SCAPER: variants seen among roughly 807,000 people sequenced by gnomAD.
SCAPER encodes the protein S phase cyclin A-associated protein in the endoplasmic reticulum.
A neutral mutation model predicts 182.2 loss-of-function variants in SCAPER; 98 were observed. That is an observed-to-expected ratio of 0.54 (90% CI 0.46 to 0.64). The LOEUF is 0.64. Among genes scored for constraint, SCAPER ranks in the 30% least tolerant of loss-of-function variants. The probability of loss-of-function intolerance (pLI) is 0.00; values close to 1 mark genes in which losing one functional copy is unlikely to be tolerated. For missense variants in SCAPER, 1,432 were observed against 1,690.0 expected (o/e 0.85, Z 2.68); for synonymous variants, 605 against 564.6 (o/e 1.07, Z -1.01).
intron 25 of SCAPER, among the ~76,000 whole-genome samples, chr15:76,447,802 A>C (rs1187409385): frequency 6.6e-6 from 1 of 152,226 alleles, no homozygotes; most frequent in Non-Finnish European, 1.5e-5. Context: ...CAACAGGTGA[A>C]GAGGAAAAAC....
chr15:76,408,703 G>A (rs539140180), intron 26 of SCAPER, among the ~76,000 whole-genome samples: 12 of 151,554 alleles, frequency 7.9e-5, no homozygotes, highest in Non-Finnish European at 1.8e-4. Flanking sequence ...GGAAGGCAAC[G>A]CACAAGCTCA....
chr15:76,892,038 T>C (rs137924151), intron 1 of SCAPER, among the ~76,000 whole-genome samples: 23,831 of 152,114 alleles, frequency 0.16, 2,295 homozygotes, highest in Middle Eastern at 0.23. Context: ...TCTACAACCA[T>C]CTGATCTTTG....
intron 1 of SCAPER, among the ~76,000 whole-genome samples, chr15:76,894,939 C>A (rs1185655574): frequency 6.6e-6 from 1 of 152,060 alleles, no homozygotes; most frequent in Non-Finnish European, 1.5e-5. Flanking sequence ...GCTTCACTGG[C>A]GAATTCTACC....
At chr15:76,407,613 A>G in intron 26 of SCAPER, among the ~76,000 whole-genome samples, 1 of 152,220 alleles carries the variant, frequency 6.6e-6, no homozygotes, top group Middle Eastern at 3.2e-3. Context: ...AAAAGCAGAA[A>G]AATCAGTAGA....
chr15:76,617,747 C>T (rs2051625493), intron 22 of SCAPER, among the ~76,000 whole-genome samples: 1 of 152,136 alleles, frequency 6.6e-6, no homozygotes, highest in Non-Finnish European at 1.5e-5. Flanking sequence ...ATCACTTCTA[C>T]AGCTTTCAAT....
intron 29 of SCAPER, among the ~76,000 whole-genome samples, chr15:76,360,824 G>C (rs1321159080): frequency 6.6e-6 from 1 of 152,174 alleles, no homozygotes; most frequent in Non-Finnish European, 1.5e-5. Context: ...GATGGGACTA[G>C]ATTCTCAGGA....
rs10524497 is a variant in SCAPER, at chr15:76,370,291, A to ATTTTT, written c.3855+5866_3855+5870dup. Among the ~76,000 whole-genome samples, 217 of 119,422 alleles carry ATTTTT rather than the reference A, an allele frequency of 1.8e-3. 12 individuals carry two copies. The highest frequency in any genetic ancestry group is 6.0e-3 in the African/African-American group (163 of 27,194). The allele number at this position is 119,422 out of a possible 152,430, so 78.3% of individuals were successfully genotyped here. A position where few individuals can be genotyped will look rare whatever the true frequency, so the allele number is the denominator to read the frequency against. On this transcript the variant is annotated intron_variant, in intron 29 of 31. Coordinates refer to ENST00000563290, the MANE Select transcript of SCAPER (RefSeq NM_020843.4). Reference sequence around the variant, plus strand: ...GTATAACATATAATTTACCATTTCAATTTTTTTTTTTTTTTTTTTTTTTTT... The same window carrying ATTTTT: ...GTATAACATATAATTTACCATTTCAATTTTTTTTTTTTTTTTTTTTTTTTTTTTTT...
chr15:76,363,000 C>G (rs2041554883), intron 29 of SCAPER, among the ~76,000 whole-genome samples: 1 of 152,174 alleles, frequency 6.6e-6, no homozygotes, highest in Non-Finnish European at 1.5e-5. Context: ...AGAAGGCCGT[C>G]TGGCAAGTTT....
intron 25 of SCAPER, among the ~76,000 whole-genome samples, chr15:76,460,994 G>T (rs1422919213): frequency 1.3e-5 from 2 of 151,940 alleles, no homozygotes; most frequent in Non-Finnish European, 2.9e-5. Flanking sequence ...ATTCTTTTTT[G>T]CAGTCCAGGA....
At position 76,812,497 on chromosome 15, in the gene SCAPER, A is replaced by AAAAAAAAAAAAAAAAAG. The variant is rs61243906; in HGVS notation, c.394-7865_394-7864insCTTTTTTTTTTTTTTTT. On this transcript the variant is annotated intron_variant, in intron 5 of 31. Coordinates refer to ENST00000563290, the MANE Select transcript of SCAPER (RefSeq NM_020843.4). Reference sequence around the variant, plus strand: ...AGTGAGACTCTGAAAAAAAAAAAAAAAAAGAAAGAAAGAAAGAAAGACAGA... The same window carrying AAAAAAAAAAAAAAAAAG: ...AGTGAGACTCTGAAAAAAAAAAAAAAAAAAAAAAAAAAAAAAGAAAGAAAGAAAGAAAGAAAGACAGA... 4.9e-5 allele frequency among the ~76,000 whole-genome samples: 6 copies of AAAAAAAAAAAAAAAAAG among 122,408 alleles called. 1 individual carries two copies. The highest frequency in any genetic ancestry group is 8.9e-5 in the Admixed American group (1 of 11,280). 80.3% of individuals were successfully genotyped at this position (122,408 alleles called of 152,430 possible). A position where few individuals can be genotyped will look rare whatever the true frequency, so the allele number is the denominator to read the frequency against.
At chr15:76,506,206 T>C (rs976213146) in intron 23 of SCAPER, among the ~76,000 whole-genome samples, 6 of 152,232 alleles carry the variant, frequency 3.9e-5, no homozygotes, top group African/African-American at 1.4e-4. Context: ...CCCAACAGCG[T>C]GAATATAATC....
intron 17 of SCAPER, among the ~76,000 whole-genome samples, chr15:76,718,705 C>T (rs1418945838): frequency 6.6e-6 from 1 of 151,260 alleles, no homozygotes; most frequent in Non-Finnish European, 1.5e-5. Context: ...AAACCTCATA[C>T]AACTCAATAG....
chr15:76,451,474 A>G (rs1484641113), intron 25 of SCAPER, among the ~76,000 whole-genome samples: 2 of 152,242 alleles, frequency 1.3e-5, no homozygotes. Flanking sequence ...TTGTTAAACT[A>G]TATTGTCAAG....
At chr15:76,470,136 T>C (rs1019116735) in intron 25 of SCAPER, among the ~76,000 whole-genome samples, 3 of 152,174 alleles carry the variant, frequency 2.0e-5, no homozygotes, top group African/African-American at 7.2e-5. Context: ...TTGTGATGTA[T>C]CAAAATTCAT....
intron 3 of SCAPER, among the ~76,000 whole-genome samples, chr15:76,859,579 A>G (rs1011127554): frequency 1.3e-5 from 2 of 152,248 alleles, no homozygotes; most frequent in Non-Finnish European, 2.9e-5. Context: ...TTAAAAACTT[A>G]GTCTTTAATT....
intron 26 of SCAPER, among the ~76,000 whole-genome samples, chr15:76,424,221 T>TAA (rs1384520832): frequency 1.3e-5 from 2 of 152,188 alleles, no homozygotes; most frequent in African/African-American, 4.8e-5. Context: ...GGTGGGATGT[T>TAA]AAAGTCTCCC....
intron 5 of SCAPER, among the ~76,000 whole-genome samples, chr15:76,807,658 T>C (rs2066272890): frequency 6.6e-6 from 1 of 150,808 alleles, no homozygotes; most frequent in Non-Finnish European, 1.5e-5. Flanking sequence ...GCATTAGGTA[T>C]ATCTCCCAAT....
At chr15:76,413,397 A>G (rs1030395558) in intron 26 of SCAPER, among the ~76,000 whole-genome samples, 36 of 152,316 alleles carry the variant, frequency 2.4e-4, no homozygotes, top group Non-Finnish European at 2.6e-4. Flanking sequence ...ATCATGAAGT[A>G]GTGTTACATT....
chr15:76,865,960 G>T (rs1405825058), intron 2 of SCAPER, among the ~76,000 whole-genome samples: 1 of 152,048 alleles, frequency 6.6e-6, no homozygotes, highest in African/African-American at 2.4e-5. Flanking sequence ...TCAGTGTCCT[G>T]TAGATTTGCA....
Sources: allele counts gnomAD v4.1 joint callset (sites outside exome capture counted in the v4.1 genomes callset), GRCh38; gene constraint gnomAD v4.1.1; transcripts MANE v1.5; gene names NCBI Gene and HGNC (gene_info 2026-07-23, HGNC 2026-07-21).